Variants in PRDM6 observed in about 807,000 individuals in gnomAD.
PRDM6 encodes the protein putative histone-lysine N-methyltransferase PRDM6.
PRDM6 carries 25 observed loss-of-function variants against 60.8 expected under a neutral mutation model. The observed-to-expected ratio is 0.41, with a 90% CI of 0.30 to 0.57. The LOEUF (loss-of-function observed/expected upper bound fraction) is 0.57. Among genes scored for constraint, PRDM6 ranks in the 20% least tolerant of loss-of-function variants. The pLI is 0.27. For synonymous variants in PRDM6, 407 were observed against 357.4 expected (o/e 1.14, Z -1.57); for missense variants, 839 against 821.3 (o/e 1.02, Z -0.26).
At chr5:123,133,673 T>C (rs565109529) in intron 3 of PRDM6, among the ~76,000 whole-genome samples, 11 of 152,010 alleles carry the variant, frequency 7.2e-5, no homozygotes, top group Non-Finnish European at 1.0e-4. Context: ...TGAACTGTTA[T>C]GGTGTTCTTG....
At chr5:123,110,554 C>CTTTT (rs1305956914) in intron 3 of PRDM6, among the ~76,000 whole-genome samples, 2 of 127,500 alleles carry the variant, frequency 1.6e-5, no homozygotes. Context: ...ACCCGGCCTA[C>CTTTT]TTTTTTTTTT....
intron 3 of PRDM6, among the ~76,000 whole-genome samples, chr5:123,134,008 C>T (rs1333216207): frequency 6.6e-6 from 1 of 152,074 alleles, no homozygotes; most frequent in Non-Finnish European, 1.5e-5. Context: ...TAATTACCCT[C>T]TTTTAATCAA....
At chr5:123,151,264 C>T (rs1268454246) in intron 3 of PRDM6, among the ~76,000 whole-genome samples, 2 of 152,166 alleles carry the variant, frequency 1.3e-5, no homozygotes, top group South Asian at 4.1e-4. Context: ...AATGTCTCCT[C>T]ACTCCCTGAA....
At chr5:123,184,270 C>T (rs1032407589) in intron 7 of PRDM6, among the ~76,000 whole-genome samples, 10 of 152,090 alleles carry the variant, frequency 6.6e-5, no homozygotes, top group African/African-American at 9.7e-5. Context: ...ACATATAATC[C>T]AGTCAACCAT....
chr5:123,156,790 G>A, intron 4 of PRDM6, among the ~76,000 whole-genome samples: 1 of 152,210 alleles, frequency 6.6e-6, no homozygotes, highest in East Asian at 1.9e-4. Context: ...TGCTGGTGAA[G>A]CATTTCCACT....
At chr5:123,125,061 A>ATTT (rs11345367) in intron 3 of PRDM6, among the ~76,000 whole-genome samples, 6 of 138,328 alleles carry the variant, frequency 4.3e-5, no homozygotes, top group African/African-American at 1.4e-4. Context: ...AACTTACAAC[A>ATTT]TTTTTTTTTT....
chr5:123,165,383 A>G (rs1329835867), intron 5 of PRDM6, among the ~76,000 whole-genome samples: 1 of 152,156 alleles, frequency 6.6e-6, no homozygotes, highest in Admixed American at 6.5e-5. Context: ...TCAGCCACCA[A>G]GTCCTGTTGA....
chr5:123,192,774 T>G lies in PRDM6; in HGVS notation c.*5573T>G, dbSNP rs757285254. On this transcript the variant is annotated 3_prime_UTR_variant, in exon 8 of 8. Transcript: ENST00000407847. ...GGGGCTAAGTGAAATCTCGTTTTCT[T>G]TCTTTGTTCTGACTGAATGCTAAGT... 1 of 152,222 alleles carries G rather than the reference T, an allele frequency of 6.6e-6. No individual in the cohort carries two copies. Among genetic ancestry groups the G allele is most frequent in the Non-Finnish European group, 1.5e-5 (1 of 68,048 alleles). The allele number at this position is 152,222 out of a possible 1,614,324, so 9.4% of individuals were successfully genotyped here.
At chr5:123,142,297 T>TA (rs1438362762) in intron 3 of PRDM6, among the ~76,000 whole-genome samples, 1 of 73,274 alleles carries the variant, frequency 1.4e-5, no homozygotes, top group Non-Finnish European at 3.3e-5. Context: ...TCATCTTATT[T>TA]AAAGCCCATG....
chr5:123,138,566 G>A (rs765260780), intron 3 of PRDM6, among the ~76,000 whole-genome samples: 1 of 152,192 alleles, frequency 6.6e-6, no homozygotes, highest in Non-Finnish European at 1.5e-5. Context: ...AGGGATTTGG[G>A]AAAGTTGAAT....
At chr5:123,098,591 G>C (rs1019872552) in intron 2 of PRDM6, among the ~76,000 whole-genome samples, 1 of 152,238 alleles carries the variant, frequency 6.6e-6, no homozygotes. Context: ...CCGGCCCGGA[G>C]GGTGGGGGTC....
chr5:123,187,292 T>A lies in PRDM6; in HGVS notation c.*91T>A. ...AAACCAAAGATTTCCTCTGAGCAAC[T>A]TTCAATCAGTCCCAGAAAACCAAAA... On this transcript the variant is annotated 3_prime_UTR_variant, in exon 8 of 8. Coordinates refer to ENST00000407847, the MANE Select transcript of PRDM6 (RefSeq NM_001136239.4). 1.1e-6 allele frequency: 1 copy of A among 945,896 alleles called. No individual in the cohort carries two copies. The allele number at this position is 945,896 out of a possible 1,614,324, so 58.6% of individuals were successfully genotyped here.
intron 5 of PRDM6, among the ~76,000 whole-genome samples, chr5:123,162,557 A>C (rs1765659130): frequency 6.6e-6 from 1 of 152,182 alleles, no homozygotes; most frequent in Non-Finnish European, 1.5e-5. Flanking sequence ...AACAGCTTGA[A>C]GTATTGTAGA....
intron 7 of PRDM6, among the ~76,000 whole-genome samples, chr5:123,181,494 G>C (rs888995463): frequency 3.3e-5 from 5 of 152,150 alleles, no homozygotes; most frequent in Non-Finnish European, 7.4e-5. Flanking sequence ...CAGCATGCAT[G>C]GTTGATTGGT....
chr5:123,127,062 G>A (rs1764709124), intron 3 of PRDM6, among the ~76,000 whole-genome samples: 1 of 151,200 alleles, frequency 6.6e-6, no homozygotes, highest in South Asian at 2.1e-4. Context: ...TTTTGAGATG[G>A]AGTCTTTCTC....
intron 3 of PRDM6, among the ~76,000 whole-genome samples, chr5:123,122,294 C>A (rs1447004529): frequency 1.3e-5 from 2 of 151,998 alleles, no homozygotes; most frequent in Non-Finnish European, 2.9e-5. Flanking sequence ...AGACAAACAG[C>A]CTTGAGAACC....
At chr5:123,172,191 C>T (rs1037348730) in intron 6 of PRDM6, among the ~76,000 whole-genome samples, 2 of 151,948 alleles carry the variant, frequency 1.3e-5, no homozygotes, top group Admixed American at 1.3e-4. Context: ...CCTAGAAAAC[C>T]CAAGCAGAGG....
chr5:123,152,889 T>G (rs1765401198), intron 3 of PRDM6, among the ~76,000 whole-genome samples: 1 of 152,198 alleles, frequency 6.6e-6, no homozygotes, highest in South Asian at 2.1e-4. Context: ...TGAGAAATTG[T>G]GTGATCATTA....
chr5:123,118,470 G>T (rs902960644), intron 3 of PRDM6, among the ~76,000 whole-genome samples: 1 of 152,190 alleles, frequency 6.6e-6, no homozygotes, highest in Non-Finnish European at 1.5e-5. Flanking sequence ...GCTTGCAAAT[G>T]AAGAGAACAT....
Sources: allele counts gnomAD v4.1 joint callset (sites outside exome capture counted in the v4.1 genomes callset), GRCh38; gene constraint gnomAD v4.1.1; transcripts MANE v1.5; gene names NCBI Gene and HGNC (gene_info 2026-07-23, HGNC 2026-07-21).